The following CALCOCO2 variants were observed in gnomAD, a reference collection of about 807,000 sequenced individuals.
CALCOCO2 encodes the protein calcium binding and coiled-coil domain 2, also known as calcium-binding and coiled-coil domain-containing protein 2.
CALCOCO2 carries 42 observed loss-of-function variants against 62.5 expected under a neutral mutation model. That is an observed-to-expected ratio of 0.67 (90% CI 0.53 to 0.87). The LOEUF (loss-of-function observed/expected upper bound fraction) is 0.87, where lower values mean the gene tolerates loss of function less well. Ranked by LOEUF, CALCOCO2 falls within the 40% of genes least tolerant of loss-of-function variation. CALCOCO2 has a pLI of 0.00. For missense variants in CALCOCO2, 456 were observed against 515.0 expected (o/e 0.89, Z 1.11); for synonymous variants, 167 against 173.0 (o/e 0.97, Z 0.27).
chr17:48,835,910 C>T (rs1246613770), intron 1 of CALCOCO2, among the ~76,000 whole-genome samples: 2 of 151,942 alleles, frequency 1.3e-5, no homozygotes, highest in Non-Finnish European at 2.9e-5. Flanking sequence ...CCACCACGCC[C>T]GGCTAATTTT....
chr17:48,854,238 C>T (rs1344346499), intron 9 of CALCOCO2, among the ~76,000 whole-genome samples: 1 of 139,144 alleles, frequency 7.2e-6, no homozygotes, highest in Non-Finnish European at 1.5e-5. Flanking sequence ...ATCGCTTGAA[C>T]CTGGGAGGCG....
At chr17:48,833,062 C>CA (rs2039838758) in intron 1 of CALCOCO2, among the ~76,000 whole-genome samples, 1 of 152,150 alleles carries the variant, frequency 6.6e-6, no homozygotes, top group African/African-American at 2.4e-5. Context: ...TGGGCTAGAG[C>CA]AAATGGCTCG....
intron 9 of CALCOCO2, 109 bp from the exon 10 acceptor site, chr17:48,855,983 C>T: frequency 2.0e-6 from 1 of 504,312 alleles, no homozygotes; most frequent in Non-Finnish European, 3.6e-6. Flanking sequence ...GTTGCGTTCT[C>T]CTCCATCTCA....
rs1181856192 is a variant in CALCOCO2, at chr17:48,864,070, T to TC, written c.*1065_*1066insC. 2 of 145,968 alleles carry TC rather than the reference T, an allele frequency of 1.4e-5. No homozygotes were observed. Among genetic ancestry groups the TC allele is most frequent in the African/African-American group, 5.0e-5 (2 of 40,128 alleles). 9.0% of individuals were successfully genotyped at this position (145,968 alleles called of 1,614,324 possible). A position where few individuals can be genotyped will look rare whatever the true frequency, so the allele number is the denominator to read the frequency against. On this transcript the variant is annotated 3_prime_UTR_variant, in exon 13 of 13. Transcript: ENST00000258947. ...AGGCCCTGGCTTGCTTTCTTTCTTT[T>TC]TTTTTTTTTTTTTTTGAAACAGTCT...
At chr17:48,858,957 A>T (rs2143674099) in intron 10 of CALCOCO2, among the ~76,000 whole-genome samples, 1 of 146,302 alleles carries the variant, frequency 6.8e-6, no homozygotes, top group Non-Finnish European at 1.5e-5. Flanking sequence ...AGGCAGGAGA[A>T]TCGCTTGAAC....
intron 11 of CALCOCO2, among the ~76,000 whole-genome samples, chr17:48,861,305 C>G (rs985150756): frequency 1.3e-5 from 2 of 152,186 alleles, no homozygotes; most frequent in Non-Finnish European, 2.9e-5. Context: ...CAACCTCCGC[C>G]TCCTGGGCTC....
At chr17:48,839,919 C>G (rs1202059756) in intron 1 of CALCOCO2, among the ~76,000 whole-genome samples, 2 of 152,008 alleles carry the variant, frequency 1.3e-5, no homozygotes, top group Non-Finnish European at 2.9e-5. Context: ...AGGTGATCCA[C>G]CTGCCTCAGC....
At chr17:48,844,556 G>T (rs957248116) in intron 2 of CALCOCO2, among the ~76,000 whole-genome samples, 11 of 151,980 alleles carry the variant, frequency 7.2e-5, no homozygotes, top group Non-Finnish European at 1.3e-4. Flanking sequence ...CCTGGTTCAA[G>T]CGATTCTCCT....
chr17:48,857,997 T>TAGAAGAGAAG (rs1567759080), intron 10 of CALCOCO2, among the ~76,000 whole-genome samples: 1 of 19,552 alleles, frequency 5.1e-5, no homozygotes, highest in African/African-American at 1.3e-4. Flanking sequence ...TAGAATAGAA[T>TAGAAGAGAAG]AGAATAGAAT....
chr17:48,840,192 C>CA (rs1269214409), intron 1 of CALCOCO2, among the ~76,000 whole-genome samples: 1 of 152,030 alleles, frequency 6.6e-6, no homozygotes, highest in Non-Finnish European at 1.5e-5. Flanking sequence ...TGCAGTGGCA[C>CA]AATCTTGGCT....
intron 1 of CALCOCO2, among the ~76,000 whole-genome samples, chr17:48,837,645 A>T (rs1321525154): frequency 1.4e-5 from 2 of 145,628 alleles, no homozygotes; most frequent in East Asian, 2.0e-4. Context: ...AACTCTGTCT[A>T]AAAAAAAAAA....
intron 9 of CALCOCO2, among the ~76,000 whole-genome samples, chr17:48,855,093 T>G (rs2040194647): frequency 6.6e-6 from 1 of 152,028 alleles, no homozygotes; most frequent in South Asian, 2.1e-4. Context: ...CTTGTTAAGG[T>G]GAGAAAGTTA....
chr17:48,848,088 T>C lies in CALCOCO2; in HGVS notation c.205T>C (p.Tyr69His). The C allele has an allele frequency of 6.2e-7, 1 of 1,611,922 alleles. No homozygotes were observed. Among genetic ancestry groups the C allele is most frequent in the Non-Finnish European group, 8.5e-7 (1 of 1,178,044 alleles). Residue 69 changes from tyrosine (Y) to histidine (H), a missense_variant, in exon 3 of 13, where the codon TAT (tyrosine) becomes CAT (histidine). Coordinates refer to ENST00000258947, the MANE Select transcript of CALCOCO2 (RefSeq NM_005831.5). ...FRVGWKTTREYYTFMWVTLPI... is the reference protein window; with the variant it reads ...FRVGWKTTREHYTFMWVTLPI... ...GGTGGGGTGGAAGACAACCCGTGAGTATTACACCTTCATGTGGGTTACTTT... is the reference window on the plus strand; with the variant it reads ...GGTGGGGTGGAAGACAACCCGTGAGCATTACACCTTCATGTGGGTTACTTT...
At chr17:48,857,989 G>GAATAC (rs1482692891) in intron 10 of CALCOCO2, among the ~76,000 whole-genome samples, 11 of 19,268 alleles carry the variant, frequency 5.7e-4, no homozygotes, top group South Asian at 4.4e-3. Context: ...GAATAGAATA[G>GAATAC]AATAGAATAG....
intron 10 of CALCOCO2, among the ~76,000 whole-genome samples, chr17:48,858,416 A>G (rs1366935858): frequency 6.6e-6 from 1 of 151,562 alleles, no homozygotes; most frequent in Admixed American, 6.6e-5. Flanking sequence ...TGCAACCTCC[A>G]CCTCCCAGAT....
chr17:48,845,566 C>T (rs1300498400), intron 2 of CALCOCO2, among the ~76,000 whole-genome samples: 1 of 151,388 alleles, frequency 6.6e-6, no homozygotes, highest in African/African-American at 2.4e-5. Context: ...CCTGTCTCTA[C>T]TAAAAATACA....
chr17:48,845,910 T>G (rs931081330), intron 2 of CALCOCO2: 15 of 435,512 alleles, frequency 3.4e-5, no homozygotes, highest in Middle Eastern at 5.9e-4. Flanking sequence ...AAACCTCTGG[T>G]TTTTCCTCCT....
intron 8 of CALCOCO2, 102 bp from the exon 9 acceptor site, chr17:48,852,824 C>A: frequency 2.0e-6 from 2 of 1,011,226 alleles, no homozygotes; most frequent in South Asian, 1.4e-5. Context: ...TTGCCTCTCC[C>A]TATGCATCCT....
intron 1 of CALCOCO2, among the ~76,000 whole-genome samples, chr17:48,840,162 C>T (rs999610107): frequency 9.9e-5 from 15 of 151,974 alleles, no homozygotes; most frequent in African/African-American, 3.4e-4. Context: ...CAGGGGCTTG[C>T]TCTGTTGCCC....
Sources: allele counts gnomAD v4.1 joint callset (sites outside exome capture counted in the v4.1 genomes callset), GRCh38; gene constraint gnomAD v4.1.1; transcripts MANE v1.5; gene names NCBI Gene and HGNC (gene_info 2026-07-23, HGNC 2026-07-21).